The following AFF4 variants were observed in gnomAD, a reference collection of about 807,000 sequenced individuals.
AFF4 encodes the protein ALF transcription elongation factor 4, also known as AF4/FMR2 family member 4.
A neutral mutation model predicts 124.8 loss-of-function variants in AFF4; 13 were observed. The observed-to-expected ratio is 0.10, with a 90% confidence interval of 0.07 to 0.17. AFF4 has a LOEUF of 0.17. AFF4 is among the 10% of genes least tolerant of loss of function. AFF4 has a pLI of 1.00. For missense variants in AFF4, 1,092 were observed against 1,403.8 expected (o/e 0.78, Z 3.55); for synonymous variants, 477 against 496.1 (o/e 0.96, Z 0.51).
chr5:132,912,027 C>A (rs1177638393), intron 5 of AFF4, among the ~76,000 whole-genome samples: 2 of 151,480 alleles, frequency 1.3e-5, no homozygotes, highest in Non-Finnish European at 2.9e-5. Context: ...TTTCAAAGTA[C>A]TAAAAGAAAT....
intron 1 of AFF4, among the ~76,000 whole-genome samples, chr5:132,947,413 A>C (rs1761726861): frequency 6.6e-6 from 1 of 152,166 alleles, no homozygotes; most frequent in African/African-American, 2.4e-5. Flanking sequence ...GAAAACAAAA[A>C]ATTAAAACTA....
intron 5 of AFF4, among the ~76,000 whole-genome samples, chr5:132,906,466 A>C (rs922170630): frequency 4.6e-5 from 7 of 152,242 alleles, no homozygotes; most frequent in African/African-American, 1.7e-4. Flanking sequence ...GCTACAACTT[A>C]GATGAATCTT....
chr5:132,889,359 T>C (rs1022018141), intron 13 of AFF4, among the ~76,000 whole-genome samples, 186 bp from the exon 14 acceptor site: 1 of 152,116 alleles, frequency 6.6e-6, no homozygotes, highest in Non-Finnish European at 1.5e-5. Context: ...GTCCATTTTA[T>C]ATAACTGAAA....
intron 1 of AFF4, among the ~76,000 whole-genome samples, chr5:132,952,593 G>A (rs958284664): frequency 3.9e-5 from 6 of 152,166 alleles, no homozygotes; most frequent in Non-Finnish European, 7.4e-5. Context: ...CATTCCCAAA[G>A]CTTAAAATAT....
At chr5:132,927,833 C>T (rs1225866870) in intron 4 of AFF4, among the ~76,000 whole-genome samples, 3 of 152,032 alleles carry the variant, frequency 2.0e-5, no homozygotes, top group Non-Finnish European at 4.4e-5. Flanking sequence ...ATTTCAAAAG[C>T]ACATGAGGAG....
At chr5:132,913,805 G>T (rs1303011158) in intron 5 of AFF4, among the ~76,000 whole-genome samples, 1 of 152,166 alleles carries the variant, frequency 6.6e-6, no homozygotes, top group African/African-American at 2.4e-5. Flanking sequence ...TCTGGAACAT[G>T]AAATAAGTCT....
rs376543586 is a variant in AFF4, at chr5:132,891,261, T to C, written c.2637+903A>G. 9.2e-5 allele frequency among the ~76,000 whole-genome samples: 14 copies of C among 152,252 alleles called. No individual in the cohort carries two copies. In the East Asian group the frequency reaches 2.7e-3, roughly 29 times the overall value. On this transcript the variant is annotated intron_variant, in intron 13 of 20. Transcript: ENST00000265343. Reference sequence around the variant, plus strand: ...AGAAAAAGCTTTCTGTGTATTTTAATTTGAGAAGTTCTTAATTAAAATAAT... The same window carrying C: ...AGAAAAAGCTTTCTGTGTATTTTAACTTGAGAAGTTCTTAATTAAAATAAT...
At chr5:132,929,768 T>G (rs928171013) in intron 4 of AFF4, among the ~76,000 whole-genome samples, 5 of 152,096 alleles carry the variant, frequency 3.3e-5, no homozygotes, top group African/African-American at 1.2e-4. Context: ...TCTATAATCT[T>G]AGAGAGCCAC....
chr5:132,916,640 C>T (rs1027462232), intron 5 of AFF4, among the ~76,000 whole-genome samples: 6 of 152,112 alleles, frequency 3.9e-5, no homozygotes, highest in South Asian at 4.1e-4. Context: ...GGTTTCCTCT[C>T]ATCTCTTCGT....
At chr5:132,953,644 A>C (rs1272133603) in intron 1 of AFF4, among the ~76,000 whole-genome samples, 1 of 152,108 alleles carries the variant, frequency 6.6e-6, no homozygotes, top group Non-Finnish European at 1.5e-5. Context: ...AGTGATCCTC[A>C]TCCTAATAGT....
chr5:132,890,335 T>C (rs1416687116), intron 13 of AFF4, among the ~76,000 whole-genome samples: 2 of 151,982 alleles, frequency 1.3e-5, no homozygotes, highest in Non-Finnish European at 2.9e-5. Context: ...AGTGGTGCAA[T>C]CATGGCTCAC....
intron 5 of AFF4, among the ~76,000 whole-genome samples, chr5:132,920,363 T>G (rs1448539502): frequency 6.7e-6 from 1 of 149,268 alleles, no homozygotes; most frequent in African/African-American, 2.5e-5. Flanking sequence ...AACATTTTTT[T>G]TTTTTTTTTT....
rs1317650189 is a variant in AFF4, at chr5:132,888,058, T to C, written c.2796+39A>G. The C allele has an allele frequency of 4.4e-6, 7 of 1,605,992 alleles. No individual in the cohort carries two copies. The East Asian group carries it at 1.1e-4, about 26-fold the overall frequency. The stretch of plus-strand genomic sequence containing the variant: ...ACATCAGAAGATTACTTAAGTTAAT[T>C]TGATTAAATACGTAAGTGTAAGGAG... On this transcript the variant is annotated intron_variant, in intron 15 of 20. Coordinates refer to ENST00000265343, the MANE Select transcript of AFF4 (RefSeq NM_014423.4).
At chr5:132,912,854 A>AACACACACAC (rs71221402) in intron 5 of AFF4, among the ~76,000 whole-genome samples, 1 of 146,644 alleles carries the variant, frequency 6.8e-6, no homozygotes, top group South Asian at 2.2e-4. Context: ...ACACACACAC[A>AACACACACAC]ACACACACAC....
In AFF4 at chr5:132,926,958, T is replaced by A. The variant is rs1761186960; in HGVS notation, c.1050+163A>T. On this transcript the variant is annotated intron_variant, in intron 5 of 20. Coordinates refer to ENST00000265343, the MANE Select transcript of AFF4 (RefSeq NM_014423.4). ...CTCAGTTCCATTACCCTGCTAATTATCTTCATAACAGTTGTCACTATCTGA... is the reference window on the plus strand; with the variant it reads ...CTCAGTTCCATTACCCTGCTAATTAACTTCATAACAGTTGTCACTATCTGA... 10 of 584,444 alleles carry A rather than the reference T, an allele frequency of 1.7e-5. No homozygotes were observed. The South Asian group carries it at 2.2e-4, about 13-fold the overall frequency. 36.2% of individuals were successfully genotyped at this position (584,444 alleles called of 1,614,324 possible). A position where few individuals can be genotyped will look rare whatever the true frequency, so the allele number is the denominator to read the frequency against.
chr5:132,907,151 C>T (rs1254322488), intron 5 of AFF4, among the ~76,000 whole-genome samples: 1 of 152,086 alleles, frequency 6.6e-6, no homozygotes, highest in African/African-American at 2.4e-5. Flanking sequence ...CCATCTGAAC[C>T]GGAAAGACTT....
intron 1 of AFF4, among the ~76,000 whole-genome samples, chr5:132,952,473 C>A (rs1037709968): frequency 2.0e-5 from 3 of 152,236 alleles, no homozygotes; most frequent in Non-Finnish European, 2.9e-5. Context: ...TTCCCAGCTT[C>A]CCCAGTTCCT....
chr5:132,914,658 G>A (rs1425504197), intron 5 of AFF4, among the ~76,000 whole-genome samples: 13 of 150,176 alleles, frequency 8.7e-5, no homozygotes, highest in African/African-American at 2.9e-4. Context: ...GAAAGATCAG[G>A]GTGGAAATCA....
At chr5:132,894,031 A>G (rs1760327910) in intron 11 of AFF4, among the ~76,000 whole-genome samples, 1 of 152,230 alleles carries the variant, frequency 6.6e-6, no homozygotes, top group Non-Finnish European at 1.5e-5. Flanking sequence ...ATGGCTGAAT[A>G]GTATTCACTG....
Sources: gnomAD v4.1 joint callset for allele counts (sites outside exome capture counted in the v4.1 genomes callset) on GRCh38, gnomAD v4.1.1 for gene constraint, MANE v1.5 for transcripts, NCBI Gene and HGNC (gene_info 2026-07-23, HGNC 2026-07-21) for gene names.